Variants in MACROD2 observed in about 807,000 individuals in gnomAD.
MACROD2 encodes the protein ADP-ribose glycohydrolase MACROD2.
MACROD2 carries 36 observed loss-of-function variants against 70.4 expected under a neutral mutation model. The observed-to-expected ratio is 0.51, with a 90% CI of 0.39 to 0.68. MACROD2 has a LOEUF of 0.68. Ranked by LOEUF, MACROD2 falls within the 30% of genes least tolerant of loss-of-function variation. MACROD2 has a pLI of 0.00. For synonymous variants in MACROD2, 172 were observed against 178.8 expected, an observed-to-expected ratio of 0.96 and a Z score of 0.30; for missense variants, 496 against 538.4, an observed-to-expected ratio of 0.92 and a Z score of 0.78.
intron 6 of MACROD2, among the ~76,000 whole-genome samples, chr20:15,316,739 C>A (rs544357423): frequency 6.6e-6 from 1 of 152,204 alleles, no homozygotes; most frequent in South Asian, 2.1e-4. Context: ...CAGCTGAATA[C>A]ACATTCTTCT....
intron 5 of MACROD2, among the ~76,000 whole-genome samples, chr20:14,724,851 G>C (rs1372221581): frequency 6.6e-6 from 1 of 152,208 alleles, no homozygotes; most frequent in Non-Finnish European, 1.5e-5. Context: ...GGAAGGTTGT[G>C]AGGAGGAAGC....
chr20:14,620,580 C>T (rs1413862025), intron 4 of MACROD2, among the ~76,000 whole-genome samples: 5 of 151,976 alleles, frequency 3.3e-5, no homozygotes, highest in African/African-American at 7.2e-5. Flanking sequence ...AAAAAAATTA[C>T]GTAGGCTCCT....
At chr20:14,048,284 G>T (rs2053508110) in intron 2 of MACROD2, among the ~76,000 whole-genome samples, 1 of 152,142 alleles carries the variant, frequency 6.6e-6, no homozygotes, top group African/African-American at 2.4e-5. Flanking sequence ...CAATATGCAA[G>T]AAAACAGTAA....
intron 1 of MACROD2, among the ~76,000 whole-genome samples, chr20:14,000,912 C>A (rs1275355836): frequency 1.3e-5 from 2 of 152,154 alleles, no homozygotes; most frequent in Non-Finnish European, 2.9e-5. Context: ...TGTGGCCATT[C>A]CTCTTCTCAT....
At chr20:15,467,419 C>CT (rs1449670526) in intron 7 of MACROD2, among the ~76,000 whole-genome samples, 46 of 152,338 alleles carry the variant, frequency 3.0e-4, no homozygotes, top group Admixed American at 2.5e-3. Flanking sequence ...AAGAGCCAAA[C>CT]TAAGACAGGT....
At chr20:15,926,075 C>T (rs1359124474) in intron 10 of MACROD2, among the ~76,000 whole-genome samples, 3 of 152,196 alleles carry the variant, frequency 2.0e-5, no homozygotes, top group East Asian at 1.9e-4. Context: ...TATATTGTAA[C>T]GAGTTCCATA....
At chr20:14,159,560 G>A (rs998333363) in intron 3 of MACROD2, among the ~76,000 whole-genome samples, 1 of 152,192 alleles carries the variant, frequency 6.6e-6, no homozygotes. Flanking sequence ...ACTGATTTTT[G>A]CATGTTGATT....
chr20:15,374,163 A>C (rs754343778), intron 6 of MACROD2, among the ~76,000 whole-genome samples: 6 of 151,976 alleles, frequency 3.9e-5, no homozygotes, highest in Non-Finnish European at 7.4e-5. Flanking sequence ...TATATGTATA[A>C]TTTCTATATA....
intron 4 of MACROD2, among the ~76,000 whole-genome samples, chr20:14,651,853 T>C (rs1373837327): frequency 1.3e-5 from 2 of 152,216 alleles, no homozygotes; most frequent in Non-Finnish European, 2.9e-5. Flanking sequence ...TCTGTGTTGG[T>C]GCTACCTGGG....
At chr20:15,457,864 C>T (rs1215051856) in intron 7 of MACROD2, among the ~76,000 whole-genome samples, 1 of 151,294 alleles carries the variant, frequency 6.6e-6, no homozygotes, top group Non-Finnish European at 1.5e-5. Flanking sequence ...ATGATTTCAT[C>T]TCCGTGAACT....
At chr20:15,175,999 C>T (rs534517836) in intron 5 of MACROD2, among the ~76,000 whole-genome samples, 15 of 152,334 alleles carry the variant, frequency 9.8e-5, no homozygotes, top group African/African-American at 3.6e-4. Context: ...CCTGCTTCTG[C>T]CCCCTGGCCT....
chr20:14,629,963 C>CTATCTATT (rs76468337), intron 4 of MACROD2, among the ~76,000 whole-genome samples: 2,976 of 145,990 alleles, frequency 0.02, 41 homozygotes, highest in Non-Finnish European at 0.03. Context: ...GTCTATCTAT[C>CTATCTATT]TATCTATCTA....
chr20:15,520,508 A>G (rs1444790060), intron 8 of MACROD2, among the ~76,000 whole-genome samples: 4 of 146,674 alleles, frequency 2.7e-5, no homozygotes, highest in African/African-American at 5.4e-5. Flanking sequence ...GAAAACCAGG[A>G]CACATTAACA....
chr20:15,706,679 T>C (rs2050537185), intron 8 of MACROD2, among the ~76,000 whole-genome samples: 1 of 152,224 alleles, frequency 6.6e-6, no homozygotes. Context: ...TAACTTTCTA[T>C]TACTAACACA....
chr20:14,722,914 A>G (rs1291409767), intron 5 of MACROD2, among the ~76,000 whole-genome samples: 1 of 152,190 alleles, frequency 6.6e-6, no homozygotes, highest in East Asian at 1.9e-4. Flanking sequence ...TAATAACATA[A>G]GATCGTAAGA....
chr20:15,059,016 T>C (rs1265697608), intron 5 of MACROD2, among the ~76,000 whole-genome samples: 1 of 152,180 alleles, frequency 6.6e-6, no homozygotes, highest in Non-Finnish European at 1.5e-5. Flanking sequence ...TATGTAAAAT[T>C]ATTTCAAGAA....
chr20:14,644,366 A>C (rs567914258), intron 4 of MACROD2, among the ~76,000 whole-genome samples: 1 of 152,220 alleles, frequency 6.6e-6, no homozygotes, highest in Non-Finnish European at 1.5e-5. Flanking sequence ...CTTGTTTGCT[A>C]TAATACTATG....
intron 4 of MACROD2, among the ~76,000 whole-genome samples, chr20:14,541,508 C>T (rs1437456693): frequency 6.6e-6 from 1 of 152,094 alleles, no homozygotes; most frequent in South Asian, 2.1e-4. Flanking sequence ...CTTCCCTGAA[C>T]TAAACTCTAT....
At chr20:14,460,808 C>A (rs1296509888) in intron 3 of MACROD2, among the ~76,000 whole-genome samples, 3 of 152,040 alleles carry the variant, frequency 2.0e-5, no homozygotes, top group Non-Finnish European at 4.4e-5. Flanking sequence ...TGATGTGTTG[C>A]TAATTCAGTT....
Sources: allele counts gnomAD v4.1 joint callset (sites outside exome capture counted in the v4.1 genomes callset), GRCh38; gene constraint gnomAD v4.1.1; transcripts MANE v1.5; gene names NCBI Gene and HGNC (gene_info 2026-07-23, HGNC 2026-07-21).